Variants in HELZ observed in about 807,000 individuals in gnomAD.
HELZ encodes helicase with zinc finger, also known as ATP-dependent RNA helicase with zinc finger domain.
HELZ carries 23 observed loss-of-function variants against 218.2 expected under a neutral mutation model. The observed-to-expected ratio is 0.11, with a 90% CI of 0.08 to 0.15. The LOEUF is 0.15. HELZ is among the 10% of genes least tolerant of loss of function. HELZ has a pLI of 1.00. For missense variants in HELZ, 1,813 were observed against 2,353.7 expected, an observed-to-expected ratio of 0.77 and a Z score of 4.75; for synonymous variants, 814 against 829.4, an observed-to-expected ratio of 0.98 and a Z score of 0.32.
intron 12 of HELZ, among the ~76,000 whole-genome samples, chr17:67,180,945 T>C (rs2039593470): frequency 6.7e-6 from 1 of 149,840 alleles, no homozygotes; most frequent in Non-Finnish European, 1.5e-5. Flanking sequence ...CCCAGCTACT[T>C]AGGAGACTGA....
intron 13 of HELZ, among the ~76,000 whole-genome samples, chr17:67,175,236 AAAAG>A (rs1402792034): frequency 6.6e-6 from 1 of 152,192 alleles, no homozygotes; most frequent in Non-Finnish European, 1.5e-5. Context: ...CAAAAACAAA[AAAAG>A]AAGAAGAAAT....
chr17:67,231,951 G>A lies in HELZ; in HGVS notation c.-19+7482C>T, dbSNP rs188561229. ...GCCTGTAATCCCAGCTACTCAGGAG[G>A]CTGAGGCAGGAGAATTGCTTGAACT... On this transcript the variant is annotated intron_variant, in intron 3 of 32. Coordinates refer to ENST00000358691, the MANE Select transcript of HELZ (RefSeq NM_014877.4). Among the ~76,000 whole-genome samples, 13 of 150,400 alleles carry A rather than the reference G, an allele frequency of 8.6e-5. No homozygotes were observed. In the East Asian group the frequency reaches 2.6e-3, roughly 30 times the overall value.
At chr17:67,165,240 G>A (rs1178118371) in intron 15 of HELZ, among the ~76,000 whole-genome samples, 1 of 152,208 alleles carries the variant, frequency 6.6e-6, no homozygotes, top group Non-Finnish European at 1.5e-5. Context: ...CACAGTAAGA[G>A]TAAGCAAAAC....
rs763712256 is a variant in HELZ at position 67,109,173 on chromosome 17, G to A, written c.4432C>T (p.His1478Tyr). Residue 1478 changes from histidine (H) to tyrosine (Y), a missense_variant, in exon 29 of 33, where the codon CAT (histidine) becomes TAT (tyrosine). His to Tyr is a moderately conservative substitution (Grantham distance 83). This residue lies in a region of HELZ where 938 missense variants were observed against 1,027.5 expected (regional missense o/e 0.91). Coordinates refer to ENST00000358691, the MANE Select transcript of HELZ (RefSeq NM_014877.4). ...IAQPGPILPS[H>Y]LNSFIDENPS... ...TTCTCATCAATGAAGCTATTCAGAT[G>A]TGAAGGAAGAATGGGGCCGGGTTGT... The A allele has an allele frequency of 2.5e-6, 4 of 1,614,082 alleles. No homozygotes were observed. The highest frequency in any genetic ancestry group is 3.4e-6 in the Non-Finnish European group (4 of 1,180,044).
intron 24 of HELZ, among the ~76,000 whole-genome samples, chr17:67,126,567 G>A (rs2037802655): frequency 6.6e-6 from 1 of 152,086 alleles, no homozygotes; most frequent in African/African-American, 2.4e-5. Context: ...TAATGTAGCA[G>A]GCTGGACACA....
Position 67,188,706 on chromosome 17 carries a change from G to A in HELZ, c.865-90C>T. 2 of 1,017,192 alleles carry A rather than the reference G, an allele frequency of 2.0e-6. No homozygotes were observed. Among genetic ancestry groups the A allele is most frequent in the Non-Finnish European group, 2.9e-6 (2 of 692,836 alleles). The allele number at this position is 1,017,192 out of a possible 1,614,324, so 63.0% of individuals were successfully genotyped here. ...CTTCAATGAAAATATTTCCATAAGGGACTTTTACTTCCCCAAGCTTCTAAG... is the reference window on the plus strand; with the variant it reads ...CTTCAATGAAAATATTTCCATAAGGAACTTTTACTTCCCCAAGCTTCTAAG... On this transcript the variant is annotated intron_variant, in intron 11 of 32. Coordinates refer to ENST00000358691, the MANE Select transcript of HELZ (RefSeq NM_014877.4). This position sits in a 1 kb window ranked among gnomAD's most constrained non-coding sequence, Gnocchi z 4.1.
At chr17:67,136,602 A>C (rs1452659746) in intron 22 of HELZ, among the ~76,000 whole-genome samples, 2 of 152,228 alleles carry the variant, frequency 1.3e-5, no homozygotes, top group Non-Finnish European at 2.9e-5. Context: ...CATACAATAG[A>C]TTATTCAGCC....
chr17:67,130,017 TA>T (rs2037926063), intron 23 of HELZ, among the ~76,000 whole-genome samples: 1 of 152,160 alleles, frequency 6.6e-6, no homozygotes, highest in South Asian at 2.1e-4. Flanking sequence ...GTTTATATTA[TA>T]AAAGTTAGTA....
chr17:67,119,623 T>C (rs922296497), intron 27 of HELZ, among the ~76,000 whole-genome samples: 1 of 152,228 alleles, frequency 6.6e-6, no homozygotes, highest in African/African-American at 2.4e-5. Flanking sequence ...ATATAACTCA[T>C]ACCTCAATAA....
chr17:67,109,288 C>A lies in HELZ; in HGVS notation c.4317G>T (p.Arg1439=). 1 of 1,614,074 alleles carries A rather than the reference C, an allele frequency of 6.2e-7. No homozygotes were observed. Among genetic ancestry groups the A allele is most frequent in the Non-Finnish European group, 8.5e-7 (1 of 1,180,028 alleles). Residue 1439 remains arginine, a synonymous_variant, in exon 29 of 33, where the codon CGG becomes CGT. Transcript: ENST00000358691. ...CAGCTTCTGCAGGAGGAGACTGTGG[C>A]CGATGAGCAACTGCACTATTAAAAA... The part of the protein sequence containing the change: ...NAFFNSAVAH[R]PQSPPAEAVI...
intron 7 of HELZ, among the ~76,000 whole-genome samples, chr17:67,199,735 T>C (rs1043333973): frequency 6.6e-6 from 1 of 152,212 alleles, no homozygotes; most frequent in Non-Finnish European, 1.5e-5. Flanking sequence ...CCACCTTCTT[T>C]GCTGTTTTTT....
chr17:67,229,266 C>A (rs1400960323), intron 3 of HELZ, among the ~76,000 whole-genome samples: 4 of 152,184 alleles, frequency 2.6e-5, no homozygotes, highest in Non-Finnish European at 5.9e-5. Flanking sequence ...ATCACCCCAA[C>A]ACAGGCCCCA....
At chr17:67,127,829 G>C (rs1294134990) in intron 24 of HELZ, among the ~76,000 whole-genome samples, 1 of 146,436 alleles carries the variant, frequency 6.8e-6, no homozygotes, top group East Asian at 2.0e-4. Context: ...CTGGGTGACA[G>C]AGATCCCCTC....
At chr17:67,145,634 G>T in intron 21 of HELZ, 109 bp downstream of exon 21, 2 of 743,858 alleles carry the variant, frequency 2.7e-6, no homozygotes, top group Non-Finnish European at 4.4e-6. Flanking sequence ...ACATGTAAAT[G>T]AAGTCAATAT....
chr17:67,127,644 T>TTAA (rs1388445077), intron 24 of HELZ, among the ~76,000 whole-genome samples: 2 of 152,144 alleles, frequency 1.3e-5, no homozygotes, highest in African/African-American at 4.8e-5. Context: ...GCCCCGGAGT[T>TTAA]TGAGACCAGC....
intron 21 of HELZ, among the ~76,000 whole-genome samples, chr17:67,145,437 CAG>C (rs2038464765): frequency 6.6e-6 from 1 of 152,154 alleles, no homozygotes; most frequent in Non-Finnish European, 1.5e-5. Context: ...AAAACTTACT[CAG>C]AGTCTATTTT....
chr17:67,085,225 C>T (rs997043655), intron 32 of HELZ, among the ~76,000 whole-genome samples: 6 of 152,104 alleles, frequency 3.9e-5, no homozygotes, highest in African/African-American at 1.4e-4. Context: ...TTGAGACCAG[C>T]CTGGGAAACA....
At chr17:67,147,544 C>T (rs1746785904) in intron 20 of HELZ, among the ~76,000 whole-genome samples, 1 of 152,110 alleles carries the variant, frequency 6.6e-6, no homozygotes, top group Non-Finnish European at 1.5e-5. Context: ...ACGGCATGAT[C>T]ATGGCTCACT....
At chr17:67,180,619 T>C (rs1435439259) in intron 12 of HELZ, among the ~76,000 whole-genome samples, 2 of 152,136 alleles carry the variant, frequency 1.3e-5, no homozygotes, top group African/African-American at 4.8e-5. Context: ...GGCTCAAACC[T>C]GTAATCCTAG....
Sources: allele counts gnomAD v4.1 joint callset (sites outside exome capture counted in the v4.1 genomes callset), GRCh38; gene constraint gnomAD v4.1.1; regional missense constraint gnomAD v4.1.1; non-coding constraint Gnocchi (gnomAD v3.1); transcripts MANE v1.5; gene names NCBI Gene and HGNC (gene_info 2026-07-23, HGNC 2026-07-21).